IFT88: variants seen among roughly 807,000 people sequenced by gnomAD.
The protein encoded by IFT88 is intraflagellar transport protein 88 homolog.
In IFT88, 74 loss-of-function variants were observed where a neutral mutation model predicts 119.5. The ratio of observed to expected loss-of-function variants is 0.62; its 90% CI spans 0.51 to 0.75. IFT88 has a LOEUF of 0.75. Ranked by LOEUF, IFT88 falls within the 30% of genes least tolerant of loss-of-function variation. The pLI, the probability that IFT88 is intolerant of heterozygous loss-of-function variation, is 0.00. For missense variants in IFT88, 961 were observed against 977.7 expected, an observed-to-expected ratio of 0.98 and a Z score of 0.23; for synonymous variants, 279 against 316.7, an observed-to-expected ratio of 0.88 and a Z score of 1.26.
At chr13:20,679,233 G>A (rs1395179004) in intron 24 of IFT88, among the ~76,000 whole-genome samples, 1 of 152,080 alleles carries the variant, frequency 6.6e-6, no homozygotes, top group Non-Finnish European at 1.5e-5. Context: ...ACAGTTTGTC[G>A]GAGATCATTG....
At position 20,624,640 on chromosome 13, in the gene IFT88, CA is replaced by C. The variant is rs1201461254; in HGVS notation, c.1200-1109del. ...CACAGGCCACCCCCTGATTTTCAAC[CA>C]TGGATCCTTTATATAAATTCTCTCT... On this transcript the variant is annotated intron_variant, in intron 14 of 25. Transcript: ENST00000351808. Among the ~76,000 whole-genome samples, 7 of 152,194 alleles carry C rather than the reference CA, an allele frequency of 4.6e-5. 1 individual carries two copies. In the East Asian group the frequency reaches 9.7e-4, roughly 21 times the overall value.
rs2054296495 is a variant in IFT88 at position 20,664,332 on chromosome 13, G to A, written c.2175+728G>A. ...CCTCTTTCTGGAACTATTATGGAAA[G>A]GAAGACTGTTCTCTTTTTTGTGCTT... On this transcript the variant is annotated intron_variant, in intron 23 of 25. Coordinates refer to ENST00000351808, the MANE Select transcript of IFT88 (RefSeq NM_006531.5). Among the ~76,000 whole-genome samples, 6 of 152,188 alleles carry A rather than the reference G, an allele frequency of 3.9e-5. No homozygotes were observed. The South Asian group carries it at 1.2e-3, about 32-fold the overall frequency.
chr13:20,641,390 A>G lies in IFT88; in HGVS notation c.1674A>G (p.Ile558Met), dbSNP rs768385474. 6.3e-7 allele frequency: 1 copy of G among 1,598,470 alleles called. No homozygotes were observed. The highest frequency in any genetic ancestry group is 8.6e-7 in the Non-Finnish European group (1 of 1,166,796). Residue 558 changes from isoleucine (I) to methionine (M), a missense_variant, in exon 18 of 26, where the codon ATA becomes ATG. Ile to Met is a conservative substitution (Grantham distance 10). Coordinates refer to ENST00000351808, the MANE Select transcript of IFT88 (RefSeq NM_006531.5). ...LRNSAEVLYQIANIYELMENP... is the reference protein window; with the variant it reads ...LRNSAEVLYQMANIYELMENP... ...ACAGTGCCGAAGTTCTTTACCAGAT[A>G]GCAAATATGTATCTTATTTGAAAAC...
At chr13:20,666,673 T>G (rs2054744794) in intron 23 of IFT88, among the ~76,000 whole-genome samples, 1 of 152,180 alleles carries the variant, frequency 6.6e-6, no homozygotes, top group Non-Finnish European at 1.5e-5. Context: ...CCTTCTCTCA[T>G]TTTTTTTCCA....
rs1164348988 is a variant in IFT88 at position 20,568,089 on chromosome 13, G to A, written c.-7+833G>A. ...TTTGTGTTGGGCCACATTCAAAGCC[G>A]TCCTGTGCCACGTGCGGGCCGGGGT... is the stretch of plus-strand genomic sequence containing the variant. On this transcript the variant is annotated intron_variant, in intron 1 of 25. Coordinates refer to ENST00000351808, the MANE Select transcript of IFT88 (RefSeq NM_006531.5). The A allele has an allele frequency of 2.3e-5, 16 of 695,718 alleles. No homozygotes were observed. The Admixed American group carries it at 3.0e-4, about 13-fold the overall frequency. The allele number at this position is 695,718 out of a possible 1,614,324, so 43.1% of individuals were successfully genotyped here. A position where few individuals can be genotyped will look rare whatever the true frequency, so the allele number is the denominator to read the frequency against.
intron 1 of IFT88, among the ~76,000 whole-genome samples, chr13:20,568,311 C>A (rs1044826927): frequency 9.2e-5 from 14 of 152,196 alleles, no homozygotes; most frequent in African/African-American, 3.4e-4. Flanking sequence ...AATCCAGAAA[C>A]CCTGGGTTGT....
At chr13:20,680,573 T>G (rs1038666092) in intron 24 of IFT88, among the ~76,000 whole-genome samples, 1 of 152,230 alleles carries the variant, frequency 6.6e-6, no homozygotes, top group Non-Finnish European at 1.5e-5. Flanking sequence ...TTGTCCTGCC[T>G]TCTTCAGATT....
intron 14 of IFT88, among the ~76,000 whole-genome samples, chr13:20,619,200 G>A (rs112145266): frequency 8.5e-5 from 13 of 152,054 alleles, no homozygotes; most frequent in African/African-American, 2.7e-4. Context: ...AAAATTATCC[G>A]AAATGGTAAC....
At chr13:20,634,770 G>A (rs116865897) in intron 16 of IFT88, among the ~76,000 whole-genome samples, 4,151 of 148,700 alleles carry the variant, frequency 0.028, 104 homozygotes, top group Non-Finnish European at 0.046. Flanking sequence ...GCTTTCTCAG[G>A]AACAATTTCT....
intron 13 of IFT88, among the ~76,000 whole-genome samples, chr13:20,613,145 A>G (rs574213327): frequency 6.6e-6 from 1 of 152,346 alleles, no homozygotes; most frequent in South Asian, 2.1e-4. Context: ...CCAGAGAGTG[A>G]AAAAATGACC....
At chr13:20,624,323 G>GCTT (rs1290543007) in intron 14 of IFT88, among the ~76,000 whole-genome samples, 1 of 152,106 alleles carries the variant, frequency 6.6e-6, no homozygotes, top group Non-Finnish European at 1.5e-5. Flanking sequence ...GGGGCATGGA[G>GCTT]CTGCCATTTC....
intron 2 of IFT88, 101 bp from the exon 3 acceptor site, chr13:20,582,856 A>G (rs893384545): frequency 2.4e-6 from 2 of 830,962 alleles, no homozygotes; most frequent in Admixed American, 2.2e-5. Flanking sequence ...TTGGCAATAG[A>G]TGAGTTATAG....
chr13:20,613,021 C>T (rs551965017), intron 13 of IFT88, among the ~76,000 whole-genome samples: 42 of 152,014 alleles, frequency 2.8e-4, no homozygotes, highest in Non-Finnish European at 5.3e-4. Context: ...CATTGACTGT[C>T]GGTTAAGCAA....
At chr13:20,670,741 TG>T (rs2055682412) in intron 23 of IFT88, among the ~76,000 whole-genome samples, 1 of 152,056 alleles carries the variant, frequency 6.6e-6, no homozygotes, top group Non-Finnish European at 1.5e-5. Context: ...GCTGCACTTT[TG>T]AATTAAAGTG....
At chr13:20,601,288 C>T (rs1017366210) in intron 11 of IFT88, among the ~76,000 whole-genome samples, 1 of 151,362 alleles carries the variant, frequency 6.6e-6, no homozygotes, top group Non-Finnish European at 1.5e-5. Context: ...ATTGCTTGAA[C>T]CCAGGAGGCA....
chr13:20,663,433 T>A, intron 22 of IFT88, 65 bp from the exon 23 acceptor site: 1 of 1,586,292 alleles, frequency 6.3e-7, no homozygotes, highest in Non-Finnish European at 8.6e-7. Context: ...GTTCACTGAT[T>A]TATTGAGCTT....
At chr13:20,672,784 C>T (rs1012046228) in intron 24 of IFT88, among the ~76,000 whole-genome samples, 14 of 152,160 alleles carry the variant, frequency 9.2e-5, no homozygotes, top group African/African-American at 2.4e-4. Context: ...TATGAATAGC[C>T]TCAAATCAAG....
intron 15 of IFT88, among the ~76,000 whole-genome samples, chr13:20,629,294 A>G (rs2047829583): frequency 6.6e-6 from 1 of 152,228 alleles, no homozygotes; most frequent in South Asian, 2.1e-4. Context: ...TGGAGGTTGT[A>G]TAAAGCATCA....
intron 7 of IFT88, among the ~76,000 whole-genome samples, chr13:20,593,859 G>T (rs2041167763): frequency 6.6e-6 from 1 of 152,048 alleles, no homozygotes; most frequent in Non-Finnish European, 1.5e-5. Flanking sequence ...AGACTAGCCT[G>T]GGCAACATAG....
Sources: gnomAD v4.1 joint callset for allele counts (sites outside exome capture counted in the v4.1 genomes callset) on GRCh38, gnomAD v4.1.1 for gene constraint, MANE v1.5 for transcripts, NCBI Gene and HGNC (gene_info 2026-07-23, HGNC 2026-07-21) for gene names.